The following CHST11 variants were observed in gnomAD, a reference collection of about 807,000 sequenced individuals.
CHST11 encodes carbohydrate sulfotransferase 11.
CHST11 carries 9 observed loss-of-function variants against 30.4 expected under a neutral mutation model. That is an observed-to-expected ratio of 0.30 (90% confidence interval 0.18 to 0.52). CHST11 has a LOEUF of 0.52. Ranked by LOEUF, CHST11 falls within the 20% of genes least tolerant of loss-of-function variation. The probability of loss-of-function intolerance (pLI) is 0.97; values close to 1 mark genes in which losing one functional copy is unlikely to be tolerated. For missense variants in CHST11, 348 were observed against 460.6 expected (o/e 0.76, Z 2.24); for synonymous variants, 152 against 187.8 (o/e 0.81, Z 1.56).
At chr12:104,528,438 A>G (rs2038149289) in intron 1 of CHST11, among the ~76,000 whole-genome samples, 2 of 152,208 alleles carry the variant, frequency 1.3e-5, no homozygotes, top group African/African-American at 4.8e-5. Context: ...ACTGGCGAGC[A>G]AATGAAACCT....
At chr12:104,689,493 T>C (rs779545003) in intron 2 of CHST11, among the ~76,000 whole-genome samples, 1 of 152,238 alleles carries the variant, frequency 6.6e-6, no homozygotes, top group Non-Finnish European at 1.5e-5. Context: ...TGAATTCTCT[T>C]TCATGCATTC....
intron 2 of CHST11, among the ~76,000 whole-genome samples, chr12:104,696,482 C>CAAAAAAAAAAAAAAAAAAAAAA: frequency 1.4e-5 from 1 of 69,140 alleles, no homozygotes; most frequent in Non-Finnish European, 2.5e-5. Flanking sequence ...GCTAAAAATA[C>CAAAAAAAAAAAAAAAAAAAAAA]AAAAAAAAAA....
rs181029415 is a variant in CHST11 at position 104,458,946 on chromosome 12, T to A, written c.118+1417T>A. Reference sequence around the variant, plus strand: ...CCATCAAACAGGCAGGGCTGCAGGCTGCAGATTCCTTGACAGCGCAGGGAC... The same window carrying A: ...CCATCAAACAGGCAGGGCTGCAGGCAGCAGATTCCTTGACAGCGCAGGGAC... On this transcript the variant is annotated intron_variant, in intron 1 of 2. Transcript: ENST00000303694. The surrounding 1 kb of genome is among the most constrained non-coding windows in gnomAD (Gnocchi z 5.7). Among the ~76,000 whole-genome samples, 2 of 152,324 alleles carry A rather than the reference T, an allele frequency of 1.3e-5. No homozygotes were observed. The highest frequency in any genetic ancestry group is 4.8e-5 in the African/African-American group (2 of 41,570).
chr12:104,697,583 T>A (rs1200274534), intron 2 of CHST11, among the ~76,000 whole-genome samples: 1 of 152,168 alleles, frequency 6.6e-6, no homozygotes, highest in Non-Finnish European at 1.5e-5. Context: ...TCAATTTCCA[T>A]AATAAACCTC....
At chr12:104,750,216 G>A (rs1012978519) in intron 2 of CHST11, among the ~76,000 whole-genome samples, 1 of 151,932 alleles carries the variant, frequency 6.6e-6, no homozygotes, top group African/African-American at 2.4e-5. Flanking sequence ...AACTAGGAAT[G>A]AGGAAGTGGT....
At chr12:104,629,078 T>C (rs1045424931) in intron 2 of CHST11, among the ~76,000 whole-genome samples, 2 of 152,156 alleles carry the variant, frequency 1.3e-5, no homozygotes, top group African/African-American at 4.8e-5. Flanking sequence ...TTCTAAACGA[T>C]CTAGAGTTGC....
intron 1 of CHST11, among the ~76,000 whole-genome samples, chr12:104,571,204 C>T (rs568147608): frequency 6.9e-6 from 1 of 144,032 alleles, no homozygotes; most frequent in South Asian, 2.2e-4. Flanking sequence ...GCTCTTATTG[C>T]CCAGGCTGGA....
chr12:104,652,525 A>G (rs1410556439), intron 2 of CHST11, among the ~76,000 whole-genome samples: 1 of 152,204 alleles, frequency 6.6e-6, no homozygotes, highest in Non-Finnish European at 1.5e-5. Context: ...ATTTTGCTGG[A>G]CTGCCTCTGG....
At chr12:104,459,450 T>C (rs1361458926) in intron 1 of CHST11, among the ~76,000 whole-genome samples, 1 of 152,226 alleles carries the variant, frequency 6.6e-6, no homozygotes, top group Admixed American at 6.5e-5. Context: ...TAATGCTCTG[T>C]ACGAATGCCC....
chr12:104,553,223 TGAA>T (rs1385341870), intron 1 of CHST11: 23 of 152,276 alleles, frequency 1.5e-4, no homozygotes, highest in Admixed American at 1.5e-3. Flanking sequence ...AAGAGGATGA[TGAA>T]GATGATGAAA....
At chr12:104,706,775 TTC>T (rs1190451448) in intron 2 of CHST11, among the ~76,000 whole-genome samples, 1 of 152,168 alleles carries the variant, frequency 6.6e-6, no homozygotes, top group East Asian at 1.9e-4. Flanking sequence ...CTCAGCTATC[TTC>T]TGTCAGACTA....
At chr12:104,474,606 A>G (rs1300520409) in intron 1 of CHST11, among the ~76,000 whole-genome samples, 1 of 152,244 alleles carries the variant, frequency 6.6e-6, no homozygotes, top group African/African-American at 2.4e-5. Flanking sequence ...GATGTGCAGG[A>G]TGTTGTCATT....
chr12:104,734,816 G>A (rs572996729), intron 2 of CHST11, among the ~76,000 whole-genome samples: 1 of 152,188 alleles, frequency 6.6e-6, no homozygotes, highest in Non-Finnish European at 1.5e-5. Flanking sequence ...ACAGACAAAA[G>A]ACAGATAATA....
chr12:104,704,653 G>T (rs312137), intron 2 of CHST11, among the ~76,000 whole-genome samples: 33,070 of 152,108 alleles, frequency 0.22, 3,852 homozygotes, highest in Non-Finnish European at 0.28. Context: ...TTGTCAATCT[G>T]CTGTTTAGAG....
rs2038343610 is a variant in CHST11, at chr12:104,545,945, T to C, written c.119-55961T>C. Among the ~76,000 whole-genome samples, 3 of 152,052 alleles carry C rather than the reference T, an allele frequency of 2.0e-5. No homozygotes were observed. The South Asian group carries it at 6.2e-4, about 32-fold the overall frequency. ...GGCTCAGGTGATCCTCCCATCTCAG[T>C]CTCCGTGCCCATCCTCTAGGGTCTG... On this transcript the variant is annotated intron_variant, in intron 1 of 2. Coordinates refer to ENST00000303694, the MANE Select transcript of CHST11 (RefSeq NM_018413.6).
chr12:104,747,891 A>G (rs905493821), intron 2 of CHST11, among the ~76,000 whole-genome samples: 1 of 152,210 alleles, frequency 6.6e-6, no homozygotes, highest in African/African-American at 2.4e-5. Context: ...CGCTGCAGTA[A>G]TGTTTTAATT....
intron 2 of CHST11, among the ~76,000 whole-genome samples, chr12:104,722,132 G>T (rs1421108971): frequency 6.9e-6 from 1 of 144,076 alleles, no homozygotes; most frequent in Non-Finnish European, 1.5e-5. Flanking sequence ...GGGACTACTG[G>T]CGCATACTAC....
Position 104,712,809 on chromosome 12 carries a change from G to A in CHST11, c.205-44140G>A, listed in dbSNP as rs572035491. Among the ~76,000 whole-genome samples, 73 of 152,202 alleles carry A rather than the reference G, an allele frequency of 4.8e-4. No homozygotes were observed. In the Middle Eastern group the frequency reaches 0.014, roughly 28 times the overall value. ...CTCCTGGGCTGAATGAATGGAGACC[G>A]TTTCTCCCAATTTATGGGGTGATGC... is the stretch of plus-strand genomic sequence containing the variant. On this transcript the variant is annotated intron_variant, in intron 2 of 2. Coordinates refer to ENST00000303694, the MANE Select transcript of CHST11 (RefSeq NM_018413.6).
At chr12:104,678,418 A>G (rs1023181044) in intron 2 of CHST11, among the ~76,000 whole-genome samples, 2 of 152,254 alleles carry the variant, frequency 1.3e-5, no homozygotes, top group African/African-American at 4.8e-5. Context: ...AATGAAGGGC[A>G]TTTATGAAAA....
Sources: gnomAD v4.1 joint callset for allele counts (sites outside exome capture counted in the v4.1 genomes callset) on GRCh38, gnomAD v4.1.1 for gene constraint, Gnocchi (gnomAD v3.1) non-coding constraint, MANE v1.5 for transcripts, NCBI Gene and HGNC (gene_info 2026-07-23, HGNC 2026-07-21) for gene names.